HID1: variants seen among roughly 807,000 people sequenced by gnomAD.
HID1 encodes HID1 domain containing, also known as protein HID1.
In HID1, 42 loss-of-function variants were observed where a neutral mutation model predicts 89.7. The observed-to-expected ratio is 0.47, with a 90% CI of 0.37 to 0.61. The LOEUF (loss-of-function observed/expected upper bound fraction) is 0.61. Among genes scored for constraint, HID1 ranks in the 20% least tolerant of loss-of-function variants. The probability of loss-of-function intolerance (pLI) is 0.00; values close to 1 mark genes in which losing one functional copy is unlikely to be tolerated. For synonymous variants in HID1, 442 were observed against 433.8 expected (o/e 1.02, Z -0.24); for missense variants, 854 against 1,039.3 (o/e 0.82, Z 2.45).
At chr17:74,971,941 G>T (rs944881009) in intron 1 of HID1, among the ~76,000 whole-genome samples, 40 of 152,296 alleles carry the variant, frequency 2.6e-4, no homozygotes, top group Non-Finnish European at 4.3e-4. Context: ...AGGGCCTCGG[G>T]GAAGGCCCCT....
rs747284569 is a variant in HID1 at position 74,962,216 on chromosome 17, G to T, written c.611+18C>A. The T allele has an allele frequency of 6.3e-7, 1 of 1,589,444 alleles. No individual in the cohort carries two copies. The highest frequency in any genetic ancestry group is 1.1e-5 in the South Asian group (1 of 89,536). On this transcript the variant is annotated intron_variant, in intron 5 of 18. Coordinates refer to ENST00000425042, the MANE Select transcript of HID1 (RefSeq NM_030630.3). This position sits in a 1 kb window ranked among gnomAD's most constrained non-coding sequence, Gnocchi z 4.3. ...GGGTCCAGCTGCATTGAGGGCTCCG[G>T]GCCTGGGCGAAGCTCACCGGTTCAT... is the stretch of plus-strand genomic sequence containing the variant.
chr17:74,955,742 G>A (rs1388390643), intron 13 of HID1, 50 bp downstream of exon 13: 7 of 1,576,886 alleles, frequency 4.4e-6, no homozygotes, highest in African/African-American at 1.3e-5. Flanking sequence ...TATGTAGGAA[G>A]TAGGCCCGCT....
At chr17:74,970,828 C>T (rs2039635290) in intron 1 of HID1, 1 of 152,386 alleles carries the variant, frequency 6.6e-6, no homozygotes, top group East Asian at 1.9e-4. Context: ...ATCCTCACAC[C>T]CAAGCTACCC....
At chr17:74,952,891 A>T in intron 16 of HID1, 115 bp downstream of exon 16, 1 of 756,774 alleles carries the variant, frequency 1.3e-6, no homozygotes, top group Non-Finnish European at 2.1e-6. Context: ...TGATTCGGAC[A>T]TCTTGCCATC....
intron 2 of HID1, 105 bp from the exon 3 acceptor site, chr17:74,964,015 G>C (rs1453259447): frequency 8.3e-7 from 1 of 1,206,358 alleles, no homozygotes; most frequent in Non-Finnish European, 1.2e-6. Context: ...GTCAGGGGGG[G>C]CACCCAGGCT....
chr17:74,955,947 TA>T lies in HID1; in HGVS notation c.1480del (p.Tyr494ThrfsTer8). On this transcript the variant is annotated frameshift_variant, in exon 13 of 19. Transcript: ENST00000425042. LOFTEE classifies it high-confidence loss of function. ...LLTIVVNVSP[Y>X]LKSLSMVTAN... The stretch of plus-strand genomic sequence containing the variant: ...AGTCACCATGGACAGGCTCTTGAGG[TA>T]GGGGGACACTGTAAGGGAGGGGTCA... 2 of 1,613,702 alleles carry T rather than the reference TA, an allele frequency of 1.2e-6. No homozygotes were observed. Among genetic ancestry groups the T allele is most frequent in the Non-Finnish European group, 1.7e-6 (2 of 1,179,848 alleles).
rs1376473093 is a variant in HID1, at chr17:74,959,626, C to A, written c.1008+255G>T. Among the ~76,000 whole-genome samples the A allele has an allele frequency of 2.0e-5, 3 of 152,114 alleles. No homozygotes were observed. Among genetic ancestry groups the A allele is most frequent in the African/African-American group, 7.2e-5 (3 of 41,414 alleles). Reference sequence around the variant, plus strand: ...CCTGAAGCCCTTGTCCACTGTCATTCCCCTTTTGTCCCCACCACCTCTGAA... The same window carrying A: ...CCTGAAGCCCTTGTCCACTGTCATTACCCTTTTGTCCCCACCACCTCTGAA... On this transcript the variant is annotated intron_variant, in intron 8 of 18. Coordinates refer to ENST00000425042, the MANE Select transcript of HID1 (RefSeq NM_030630.3). The surrounding 1 kb of genome is among the most constrained non-coding windows in gnomAD (Gnocchi z 4.6).
Position 74,951,915 on chromosome 17 carries a change from T to C in HID1, c.2293A>G (p.Ile765Val). 6.5e-7 allele frequency: 1 copy of C among 1,529,200 alleles called. No individual in the cohort carries two copies. Among genetic ancestry groups the C allele is most frequent in the Non-Finnish European group, 8.8e-7 (1 of 1,136,060 alleles). 94.7% of individuals were successfully genotyped at this position (1,529,200 alleles called of 1,614,324 possible). A position where few individuals can be genotyped will look rare whatever the true frequency, so the allele number is the denominator to read the frequency against. Residue 765 changes from isoleucine (I) to valine (V), a missense_variant, in exon 18 of 19, where the codon ATC (isoleucine) becomes GTC (valine). Physicochemically the swap from Ile to Val is conservative, Grantham distance 29 (BLOSUM62 3). Coordinates refer to ENST00000425042, the MANE Select transcript of HID1 (RefSeq NM_030630.3). Reference sequence around the variant, plus strand: ...CTCCCCGGGGCCCACCTCAGATAGATGACGCCCCACATGTAGGTGCGGAAC... The same window carrying C: ...CTCCCCGGGGCCCACCTCAGATAGACGACGCCCCACATGTAGGTGCGGAAC... ...MWFRTYMWGV[I>V]YLRNVDPPVW...
rs1416166032 is a variant in HID1 at position 74,972,511 on chromosome 17, A to T, written c.66+80T>A. The T allele has an allele frequency of 9.8e-6, 13 of 1,327,680 alleles. No homozygotes were observed. The highest frequency in any genetic ancestry group is 1.2e-5 in the Non-Finnish European group (12 of 966,426). The allele number at this position is 1,327,680 out of a possible 1,614,324, so 82.2% of individuals were successfully genotyped here. On this transcript the variant is annotated intron_variant, in intron 1 of 18. Coordinates refer to ENST00000425042, the MANE Select transcript of HID1 (RefSeq NM_030630.3). The surrounding 1 kb of genome is among the most constrained non-coding windows in gnomAD (Gnocchi z 6.4). ...CCGCCCGTCCCCCCATCTCCCGACG[A>T]GCCAAGTTCGCGTACCCCCGGCCCT...
At position 74,959,936 on chromosome 17, in the gene HID1, G is replaced by A. The variant is rs144555805; in HGVS notation, c.953C>T (p.Pro318Leu). The A allele has an allele frequency of 9.4e-4, 1,518 of 1,613,580 alleles. 1 individual carries two copies. Among genetic ancestry groups the A allele is most frequent in the Non-Finnish European group, 1.2e-3 (1,441 of 1,180,048 alleles). ...TTGTAMDDAD[P>L]PGPENLFVNY... ...CACAAACAGGTTCTCAGGGCCTGGA[G>A]GCTGCCAAGAGGAGAAGCCCCTGGT... is the stretch of plus-strand genomic sequence containing the variant. Residue 318 changes from proline to leucine, a missense_variant and splice_region_variant, in exon 8 of 19, where the codon CCT (proline) becomes CTT (leucine). Pro to Leu is a moderately conservative substitution (Grantham distance 98). Coordinates refer to ENST00000425042, the MANE Select transcript of HID1 (RefSeq NM_030630.3). This position sits in a 1 kb window ranked among gnomAD's most constrained non-coding sequence, Gnocchi z 4.6.
chr17:74,951,185 G>C lies in HID1; in HGVS notation c.*385C>G, dbSNP rs1044494294. The C allele has an allele frequency of 1.3e-5, 3 of 224,892 alleles. No homozygotes were observed. The highest frequency in any genetic ancestry group is 2.6e-5 in the Non-Finnish European group (3 of 115,126). 13.9% of individuals were successfully genotyped at this position (224,892 alleles called of 1,614,324 possible). On this transcript the variant is annotated 3_prime_UTR_variant, in exon 19 of 19. Coordinates refer to ENST00000425042, the MANE Select transcript of HID1 (RefSeq NM_030630.3). Reference sequence around the variant, plus strand: ...GTCCAGGCACCTCAAGGGACAGCCCGTGGTTCCCTGGTCAAACCCCTTAGG... The same window carrying C: ...GTCCAGGCACCTCAAGGGACAGCCCCTGGTTCCCTGGTCAAACCCCTTAGG...
At position 74,970,126 on chromosome 17, in the gene HID1, A is replaced by T. The variant is rs575575205; in HGVS notation, c.66+2465T>A. On this transcript the variant is annotated intron_variant, in intron 1 of 18. Coordinates refer to ENST00000425042, the MANE Select transcript of HID1 (RefSeq NM_030630.3). ...GAGACGAGGTTTCTCCATGTCGCTC[A>T]GGCTGGTCTCGAACTCCTGACCTCA... is the stretch of plus-strand genomic sequence containing the variant. Among the ~76,000 whole-genome samples, 5 of 151,822 alleles carry T rather than the reference A, an allele frequency of 3.3e-5. No individual in the cohort carries two copies. The South Asian group carries it at 1.0e-3, about 32-fold the overall frequency.
chr17:74,953,634 C>T lies in HID1; in HGVS notation c.1882G>A (p.Glu628Lys), dbSNP rs779546960. The T allele has an allele frequency of 6.8e-6, 11 of 1,614,092 alleles. No individual in the cohort carries two copies. Among genetic ancestry groups the T allele is most frequent in the African/African-American group, 2.7e-5 (2 of 75,052 alleles). Residue 628 changes from glutamate (E) to lysine (K), a missense_variant, in exon 15 of 19, where the codon GAG (glutamate) becomes AAG (lysine). Glu to Lys is a moderately conservative substitution (Grantham distance 56). Transcript: ENST00000425042. ...VATPGIDKLT[E>K]KSQVSEDGTL... is the part of the protein sequence containing the mutation. The stretch of plus-strand genomic sequence containing the variant: ...CCATCCTCTGACACCTGGGACTTCT[C>T]GGTCAGCTTGTCAATGCCTGGGCAG...
In HID1 at chr17:74,972,700, C is replaced by T. The variant is rs1264946942; in HGVS notation, c.-44G>A. On this transcript the variant is annotated 5_prime_UTR_variant, in exon 1 of 19. Coordinates refer to ENST00000425042, the MANE Select transcript of HID1 (RefSeq NM_030630.3). The surrounding 1 kb of genome is among the most constrained non-coding windows in gnomAD (Gnocchi z 6.4). ...GGCCCGGCCCCCGCCCAGACTCCAA[C>T]CCGGCTCCGGCTTCAGCTCCGGCTC... 2 of 1,496,590 alleles carry T rather than the reference C, an allele frequency of 1.3e-6. No homozygotes were observed. Among genetic ancestry groups the T allele is most frequent in the Admixed American group, 2.1e-5 (1 of 46,606 alleles). The allele number at this position is 1,496,590 out of a possible 1,614,324, so 92.7% of individuals were successfully genotyped here.
intron 6 of HID1, chr17:74,961,623 A>C: frequency 3.5e-6 from 1 of 282,060 alleles, no homozygotes; most frequent in African/African-American, 2.2e-5. Flanking sequence ...TTTGCATTCT[A>C]TTTCTACTGG....
intron 2 of HID1, 83 bp downstream of exon 2, chr17:74,964,400 C>T (rs917581545): frequency 6.9e-6 from 10 of 1,451,072 alleles, no homozygotes; most frequent in African/African-American, 1.4e-5. Flanking sequence ...CCCTGTGGGG[C>T]GGGAGGCCCT....
rs755117420 is a variant in HID1, at chr17:74,951,474, A to C, written c.*96T>G. ...GCCACTCTGCCTGTTCCAGGCCCTGATCGTGGTAATTTAAAGCTCAGAATG... is the reference window on the plus strand; with the variant it reads ...GCCACTCTGCCTGTTCCAGGCCCTGCTCGTGGTAATTTAAAGCTCAGAATG... On this transcript the variant is annotated 3_prime_UTR_variant, in exon 19 of 19. Transcript: ENST00000425042. 2 of 1,219,384 alleles carry C rather than the reference A, an allele frequency of 1.6e-6. No homozygotes were observed. The highest frequency in any genetic ancestry group is 3.0e-5 in the African/African-American group (2 of 66,868). 75.5% of individuals were successfully genotyped at this position (1,219,384 alleles called of 1,614,324 possible).
intron 12 of HID1, among the ~76,000 whole-genome samples, chr17:74,957,087 C>T (rs1267188823): frequency 6.6e-6 from 1 of 152,222 alleles, no homozygotes; most frequent in Non-Finnish European, 1.5e-5. Flanking sequence ...AATCCCAGCA[C>T]TTTGGGAGGC....
rs2039670747 is a variant in HID1 at position 74,972,740 on chromosome 17, C to T, written c.-84G>A. Reference sequence around the variant, plus strand: ...AGCTCCGGCTCCAGCTCCGCGGCCCCCGCGGCTCTCGCAGGAGACAAGCGG... The same window carrying T: ...AGCTCCGGCTCCAGCTCCGCGGCCCTCGCGGCTCTCGCAGGAGACAAGCGG... On this transcript the variant is annotated 5_prime_UTR_variant, in exon 1 of 19. Transcript: ENST00000425042. The surrounding 1 kb of genome is among the most constrained non-coding windows in gnomAD (Gnocchi z 6.4). The T allele has an allele frequency of 7.5e-7, 1 of 1,335,598 alleles. No homozygotes were observed. The highest frequency in any genetic ancestry group is 1.0e-6 in the Non-Finnish European group (1 of 1,000,022). The allele number at this position is 1,335,598 out of a possible 1,614,324, so 82.7% of individuals were successfully genotyped here.
Sources: allele counts gnomAD v4.1 joint callset (sites outside exome capture counted in the v4.1 genomes callset), GRCh38; gene constraint gnomAD v4.1.1; non-coding constraint Gnocchi (gnomAD v3.1); transcripts MANE v1.5; gene names NCBI Gene and HGNC (gene_info 2026-07-23, HGNC 2026-07-21).